The following JCAD variants were observed in gnomAD, a reference collection of about 807,000 sequenced individuals.
The protein encoded by JCAD is junctional cadherin 5-associated protein.
JCAD carries 40 observed loss-of-function variants against 98.0 expected under a neutral mutation model. The observed-to-expected ratio is 0.41, with a 90% CI of 0.32 to 0.53. The LOEUF is 0.53. Ranked by LOEUF, JCAD falls within the 20% of genes least tolerant of loss-of-function variation. The pLI, the probability that JCAD is intolerant of heterozygous loss-of-function variation, is 0.31. For synonymous variants in JCAD, 691 were observed against 682.3 expected (o/e 1.01, Z -0.20); for missense variants, 1,705 against 1,738.1 (o/e 0.98, Z 0.34).
chr10:30,055,448 C>T (rs1837551623), intron 1 of JCAD, among the ~76,000 whole-genome samples: 1 of 152,166 alleles, frequency 6.6e-6, no homozygotes, highest in Non-Finnish European at 1.5e-5. Flanking sequence ...GTTTTTAATG[C>T]TTTCCACAGA....
chr10:30,107,385 T>C (rs867545728), intron 1 of JCAD, among the ~76,000 whole-genome samples: 6 of 152,210 alleles, frequency 3.9e-5, no homozygotes, highest in Non-Finnish European at 1.5e-5. Flanking sequence ...TTATACTGCA[T>C]TGGCATGCTA....
chr10:30,043,234 G>A (rs530605962), intron 2 of JCAD, among the ~76,000 whole-genome samples: 1 of 151,840 alleles, frequency 6.6e-6, no homozygotes, highest in Non-Finnish European at 1.5e-5. Context: ...GGAAACAAGT[G>A]TCCTGTATGC....
rs7077345 is a variant in JCAD, at chr10:30,102,371, A to C, written n.128+12996T>G. ...ATTTTTAGTAGAGAGAGGGTTCACCATGCTGGCCGGCCTGGTCTCAAACTC... is the reference window on the plus strand; with the variant it reads ...ATTTTTAGTAGAGAGAGGGTTCACCCTGCTGGCCGGCCTGGTCTCAAACTC... On this transcript the variant is annotated intron_variant and non_coding_transcript_variant, in intron 1 of 2. Coordinates refer to the JCAD transcript ENST00000465712. Among the ~76,000 whole-genome samples, 949 of 152,160 alleles carry C rather than the reference A, an allele frequency of 6.2e-3. 4 individuals are homozygous for C. The highest frequency in any genetic ancestry group is 0.021 in the African/African-American group (890 of 41,520).
Position 30,053,575 on chromosome 10 carries a change from G to A in JCAD, c.-59-5704C>T, listed in dbSNP as rs984981946. ...ACTCTGTCTCAAAAAAAAAAGAAAA[G>A]AAAAGAAAAGAAAAGAATTATTAAT... On this transcript the variant is annotated intron_variant, in intron 1 of 3. Transcript: ENST00000375377. Among the ~76,000 whole-genome samples the A allele has an allele frequency of 4.0e-3, 562 of 140,740 alleles. 10 individuals carry two copies. The South Asian group carries it at 0.043, about 11-fold the overall frequency. The allele number at this position is 140,740 out of a possible 152,430, so 92.3% of individuals were successfully genotyped here. A position where few individuals can be genotyped will look rare whatever the true frequency, so the allele number is the denominator to read the frequency against.
chr10:30,102,890 T>C (rs1330820623), intron 1 of JCAD, among the ~76,000 whole-genome samples: 2 of 152,120 alleles, frequency 1.3e-5, no homozygotes, highest in African/African-American at 4.8e-5. Flanking sequence ...AGAGGGCATG[T>C]GCAGGGGAAC....
At position 30,028,933 on chromosome 10, in the gene JCAD, C is replaced by T; in HGVS notation, c.1215G>A (p.Gln405=). 6.2e-7 allele frequency: 1 copy of T among 1,614,074 alleles called. No homozygotes were observed. The highest frequency in any genetic ancestry group is 8.5e-7 in the Non-Finnish European group (1 of 1,179,992). ...NEYGVSPRLP[Q]GLPAHPRPVT... ...CAGGTCGGGGATGTGCGGGGAGCCC[C>T]TGAGGCAAGCGGGGGCTCACACCAT... The change falls in exon 3 of 4, where the codon CAG becomes CAA. Residue 405 remains glutamine (Q), a synonymous_variant. Transcript: ENST00000375377.
At chr10:30,051,260 GCACACACGCACGCACACACGCACGCA>G (rs1382497480) in intron 1 of JCAD, among the ~76,000 whole-genome samples, 4 of 140,054 alleles carry the variant, frequency 2.9e-5, no homozygotes, top group African/African-American at 1.1e-4. Flanking sequence ...CACACCACAC[GCACACACGCACGCACACACGCACGCA>G]CACACACACA....
At chr10:30,103,690 TATA>T (rs1838510420) in intron 1 of JCAD, among the ~76,000 whole-genome samples, 1 of 151,608 alleles carries the variant, frequency 6.6e-6, no homozygotes, top group African/African-American at 2.4e-5. Context: ...CTATTGCTAC[TATA>T]ATAACCTACT....
At chr10:30,115,014 T>A in intron 1 of JCAD, among the ~76,000 whole-genome samples, 1 of 152,202 alleles carries the variant, frequency 6.6e-6, no homozygotes, top group East Asian at 1.9e-4. Flanking sequence ...CGCTTCTGTA[T>A]GAGCTGGTCA....
In JCAD at chr10:30,054,576, CAT is replaced by C. The variant is rs549182692; in HGVS notation, c.-60+4904_-60+4905del. ...CATTATTCATAACTTAATATATTAA[CAT>C]ATTACATAACTTAATTAAGTTATAT... On this transcript the variant is annotated intron_variant, in intron 1 of 3. Transcript: ENST00000375377. Among the ~76,000 whole-genome samples the C allele has an allele frequency of 4.5e-3, 690 of 151,804 alleles. 10 individuals are homozygous for C. The South Asian group carries it at 0.051, about 11-fold the overall frequency.
intron 1 of JCAD, among the ~76,000 whole-genome samples, chr10:30,072,040 T>C (rs1025157101): frequency 2.0e-5 from 3 of 152,130 alleles, no homozygotes; most frequent in African/African-American, 7.2e-5. Context: ...ATTTCAATAG[T>C]TTTAAGTCTA....
chr10:30,016,333 G>A lies in JCAD; in HGVS notation c.*1550C>T, dbSNP rs2132595899. 1 of 148,422 alleles carries A rather than the reference G, an allele frequency of 6.7e-6. No individual in the cohort carries two copies. Among genetic ancestry groups the A allele is most frequent in the South Asian group, 2.2e-4 (1 of 4,616 alleles). 9.2% of individuals were successfully genotyped at this position (148,422 alleles called of 1,614,324 possible). On this transcript the variant is annotated 3_prime_UTR_variant, in exon 4 of 4. Coordinates refer to ENST00000375377, the MANE Select transcript of JCAD (RefSeq NM_020848.4). ...GGGGAAAAAATAAAAGGGAAAAGGA[G>A]GACAGGGTGAAGGAAGGAGGGCAAG...
intron 3 of JCAD, among the ~76,000 whole-genome samples, chr10:30,024,008 C>T (rs1022458014): frequency 6.6e-6 from 1 of 152,040 alleles, no homozygotes; most frequent in Non-Finnish European, 1.5e-5. Flanking sequence ...CTACAAATAA[C>T]TAAAAAAATA....
chr10:30,038,864 T>A lies in JCAD; in HGVS notation c.281+8668A>T, dbSNP rs144049216. 1.6e-4 allele frequency among the ~76,000 whole-genome samples: 25 copies of A among 152,078 alleles called. No homozygotes were observed. The East Asian group carries it at 3.9e-3, about 24-fold the overall frequency. On this transcript the variant is annotated intron_variant, in intron 2 of 3. Transcript: ENST00000375377. ...AAAGGTAGGTGGAGCTTGTGAGGGC[T>A]CCTGGGGCAGCCGCCAGCTGCGTGT...
rs949379109 is a variant in JCAD, at chr10:30,102,328, T to A, written n.128+13039A>T. On this transcript the variant is annotated intron_variant and non_coding_transcript_variant, in intron 1 of 2. Transcript: ENST00000465712. ...GGATCACAGTGGGTGCTTACCACCA[T>A]GTCCGGCTAATTTTTGTATTTTTAG... is the stretch of plus-strand genomic sequence containing the variant. Among the ~76,000 whole-genome samples the A allele has an allele frequency of 2.6e-5, 4 of 152,008 alleles. No individual in the cohort carries two copies. In the East Asian group the frequency reaches 7.7e-4, roughly 29 times the overall value.
intron 2 of JCAD, among the ~76,000 whole-genome samples, chr10:30,069,091 G>T (rs1488671883): frequency 2.0e-5 from 3 of 152,128 alleles, no homozygotes; most frequent in African/African-American, 7.2e-5. Context: ...TATGACCCAG[G>T]CACAAATCAG....
intron 1 of JCAD, among the ~76,000 whole-genome samples, chr10:30,104,896 C>G (rs974911550): frequency 6.6e-6 from 1 of 152,010 alleles, no homozygotes; most frequent in Non-Finnish European, 1.5e-5. Flanking sequence ...TAGCTCAATT[C>G]TGTTATTCAC....
chr10:30,075,846 C>CA (rs1234531342), intron 1 of JCAD, among the ~76,000 whole-genome samples: 5 of 152,164 alleles, frequency 3.3e-5, no homozygotes, highest in African/African-American at 4.8e-5. Context: ...AAGGAGCTCC[C>CA]ATGCATTTGG....
At chr10:30,084,548 T>C (rs1032036955) in intron 1 of JCAD, among the ~76,000 whole-genome samples, 1 of 152,200 alleles carries the variant, frequency 6.6e-6, no homozygotes, top group East Asian at 1.9e-4. Flanking sequence ...GACCTTGTCC[T>C]AAGTAAGGGA....
Sources: gnomAD v4.1 joint callset for allele counts (sites outside exome capture counted in the v4.1 genomes callset) on GRCh38, gnomAD v4.1.1 for gene constraint, MANE v1.5 for transcripts, NCBI Gene and HGNC (gene_info 2026-07-23, HGNC 2026-07-21) for gene names.